NBAS: variants seen among roughly 807,000 people sequenced by gnomAD.
The protein encoded by NBAS is NBAS subunit of NRZ tethering complex, also known as NAG/BC035112 fusion.
In NBAS, 219 loss-of-function variants were observed where a neutral mutation model predicts 302.5. That is an observed-to-expected ratio of 0.72 (90% confidence interval 0.65 to 0.81). NBAS has a LOEUF of 0.81. Ranked by LOEUF, NBAS falls within the 30% of genes least tolerant of loss-of-function variation. The probability of loss-of-function intolerance (pLI) is 0.00; values close to 1 mark genes in which losing one functional copy is unlikely to be tolerated. For synonymous variants in NBAS, 1,118 were observed against 1,021.6 expected, an observed-to-expected ratio of 1.09 and a Z score of -1.80; for missense variants, 2,932 against 2,841.6, an observed-to-expected ratio of 1.03 and a Z score of -0.72.
At chr2:15,121,050 A>C in the NBAS span, among the ~76,000 whole-genome samples, 34 of 152,264 alleles carry the variant, frequency 2.2e-4, no homozygotes, top group African/African-American at 8.2e-4. Context: ...TTTGCTCAAT[A>C]TCGAATTCAT....
chr2:14,871,549 T>TA, the NBAS span, among the ~76,000 whole-genome samples: 1 of 152,064 alleles, frequency 6.6e-6, no homozygotes, highest in Non-Finnish European at 1.5e-5. Flanking sequence ...TATTTTTTCT[T>TA]AAAAATTCAT....
At chr2:15,181,878 G>C (rs1664841859) in intron 50 of NBAS, among the ~76,000 whole-genome samples, 1 of 152,256 alleles carries the variant, frequency 6.6e-6, no homozygotes, top group Admixed American at 6.5e-5. Flanking sequence ...AGGGGCACAA[G>C]GTATGCAGGG....
At chr2:15,301,164 G>T (rs1385589780) in intron 40 of NBAS, among the ~76,000 whole-genome samples, 1 of 152,122 alleles carries the variant, frequency 6.6e-6, no homozygotes, top group Non-Finnish European at 1.5e-5. Flanking sequence ...GACTGACACT[G>T]CTTCTCTGGA....
At chr2:14,864,499 G>A in the NBAS span, among the ~76,000 whole-genome samples, 3 of 152,064 alleles carry the variant, frequency 2.0e-5, no homozygotes, top group African/African-American at 4.8e-5. Flanking sequence ...AGCTGTTTGA[G>A]CCTTGGTCAG....
At chr2:15,190,824 T>C (rs887548108) in intron 48 of NBAS, among the ~76,000 whole-genome samples, 3 of 152,236 alleles carry the variant, frequency 2.0e-5, no homozygotes, top group South Asian at 2.1e-4. Context: ...CTTCATGTTG[T>C]CTAGAAAATG....
chr2:15,402,561 C>G (rs1165160240), intron 25 of NBAS, among the ~76,000 whole-genome samples: 1 of 151,910 alleles, frequency 6.6e-6, no homozygotes, highest in Non-Finnish European at 1.5e-5. Context: ...AATTTATGAC[C>G]CAGTCAATAT....
chr2:15,207,953 A>G (rs891024598), intron 48 of NBAS, among the ~76,000 whole-genome samples: 4 of 152,240 alleles, frequency 2.6e-5, no homozygotes, highest in Non-Finnish European at 5.9e-5. Flanking sequence ...GTCACTATAT[A>G]ATGATAAAAA....
chr2:14,797,040 G>A, the NBAS span, among the ~76,000 whole-genome samples: 3 of 150,278 alleles, frequency 2.0e-5, no homozygotes, highest in African/African-American at 7.4e-5. Context: ...CAGTGAGCGC[G>A]GACATCGTGC....
chr2:14,857,740 A>G, the NBAS span, among the ~76,000 whole-genome samples: 2 of 152,210 alleles, frequency 1.3e-5, no homozygotes, highest in Non-Finnish European at 2.9e-5. Flanking sequence ...CATTGGGGAA[A>G]ACTCTCCAGG....
chr2:15,403,864 CGTGTGTGTGTGTGTGT>C (rs10624311), intron 25 of NBAS, among the ~76,000 whole-genome samples: 2 of 135,412 alleles, frequency 1.5e-5, no homozygotes, highest in Non-Finnish European at 3.1e-5. Flanking sequence ...TTCCTTCCTT[CGTGTGTGTGTGTGTGT>C]GTGTGTGTGT....
the NBAS span, among the ~76,000 whole-genome samples, chr2:14,958,281 G>C: frequency 6.6e-6 from 1 of 152,248 alleles, no homozygotes; most frequent in Non-Finnish European, 1.5e-5. Flanking sequence ...CAGCTGCCTG[G>C]CGTCCTTGGA....
At chr2:15,441,229 G>A (rs1678381292) in intron 21 of NBAS, among the ~76,000 whole-genome samples, 2 of 152,132 alleles carry the variant, frequency 1.3e-5, no homozygotes, top group East Asian at 1.9e-4. Flanking sequence ...TTGAAATGAA[G>A]GAAAAAATGT....
the NBAS span, among the ~76,000 whole-genome samples, chr2:14,786,744 A>G: frequency 7.9e-5 from 12 of 152,226 alleles, no homozygotes; most frequent in South Asian, 2.5e-3. Flanking sequence ...ACTTCCAACT[A>G]TGTGGTCAAT....
At chr2:15,266,417 G>A (rs148700504) in intron 44 of NBAS, among the ~76,000 whole-genome samples, 5 of 152,160 alleles carry the variant, frequency 3.3e-5, no homozygotes, top group African/African-American at 1.2e-4. Flanking sequence ...TGCTTTCCCA[G>A]TCTCCTAAAA....
chr2:15,248,254 A>G (rs544352978), intron 44 of NBAS, among the ~76,000 whole-genome samples: 143 of 152,344 alleles, frequency 9.4e-4, no homozygotes, highest in African/African-American at 3.3e-3. Flanking sequence ...TTTGAAACCA[A>G]TGAGAACAAA....
the NBAS span, among the ~76,000 whole-genome samples, chr2:14,900,011 T>C: frequency 1.3e-5 from 2 of 151,994 alleles, no homozygotes; most frequent in African/African-American, 4.8e-5. Flanking sequence ...GGAGAGCAGT[T>C]ATAAAAGGGG....
At chr2:15,273,755 A>C (rs1180346616) in intron 44 of NBAS, among the ~76,000 whole-genome samples, 1 of 152,094 alleles carries the variant, frequency 6.6e-6, no homozygotes, top group Non-Finnish European at 1.5e-5. Flanking sequence ...CATTCTTTTC[A>C]AATACATTAT....
At chr2:15,263,781 T>C in intron 44 of NBAS, among the ~76,000 whole-genome samples, 1 of 152,172 alleles carries the variant, frequency 6.6e-6, no homozygotes, top group East Asian at 1.9e-4. Flanking sequence ...ATTAACCATT[T>C]CTACCTTTCT....
intron 40 of NBAS, among the ~76,000 whole-genome samples, chr2:15,299,029 G>C (rs1241066582): frequency 1.3e-5 from 2 of 152,134 alleles, no homozygotes; most frequent in African/African-American, 4.8e-5. Context: ...GGTGTTCAGA[G>C]TACACTCAGA....
Sources: gnomAD v4.1 joint callset for allele counts (sites outside exome capture counted in the v4.1 genomes callset) on GRCh38, gnomAD v4.1.1 for gene constraint, MANE v1.5 for transcripts, NCBI Gene and HGNC (gene_info 2026-07-23, HGNC 2026-07-21) for gene names.